Variants in DST observed in about 807,000 individuals in gnomAD.
The protein encoded by DST is dystonin.
In DST, 253 loss-of-function variants were observed where a neutral mutation model predicts 875.2. The observed-to-expected ratio is 0.29, with a 90% CI of 0.26 to 0.32. DST has a LOEUF of 0.32. Among genes scored for constraint, DST ranks in the 10% least tolerant of loss-of-function variants. The pLI is 1.00. For missense variants in DST, 8,287 were observed against 9,111.6 expected (o/e 0.91, Z 3.68); for synonymous variants, 3,124 against 3,197.1 (o/e 0.98, Z 0.77).
intron 38 of DST, 121 bp from the exon 39 acceptor site, chr6:56,610,683 C>G (rs910940938): frequency 1.4e-6 from 1 of 722,530 alleles, no homozygotes; most frequent in Non-Finnish European, 2.2e-6. Context: ...ATACATATTG[C>G]TCAGGTCTCA....
At chr6:56,728,633 G>A (rs777846109) in intron 5 of DST, among the ~76,000 whole-genome samples, 3 of 151,988 alleles carry the variant, frequency 2.0e-5, no homozygotes, top group Non-Finnish European at 2.9e-5. Flanking sequence ...CTGAGATCAC[G>A]CCACTGCACT....
intron 3 of DST, among the ~76,000 whole-genome samples, chr6:56,860,127 C>A (rs1198268937): frequency 6.6e-6 from 1 of 152,162 alleles, no homozygotes; most frequent in Non-Finnish European, 1.5e-5. Context: ...CTAGTGGTTT[C>A]CCCTTTAAAG....
chr6:56,896,103 C>T (rs1424644032), intron 3 of DST, among the ~76,000 whole-genome samples: 2 of 79,858 alleles, frequency 2.5e-5, no homozygotes, highest in African/African-American at 1.5e-4. Context: ...GAGAGGGAGA[C>T]GGGAGAGGGA....
At chr6:56,589,689 C>G (rs1270607036) in intron 49 of DST, among the ~76,000 whole-genome samples, 1 of 152,220 alleles carries the variant, frequency 6.6e-6, no homozygotes, top group Non-Finnish European at 1.5e-5. Context: ...TTTTCTGCAC[C>G]TCTTATGGGG....
In DST at chr6:56,618,448, C is replaced by T. The variant is rs762547836; in HGVS notation, c.4930-3964G>A. 6 of 1,614,026 alleles carry T rather than the reference C, an allele frequency of 3.7e-6. No individual in the cohort carries two copies. The highest frequency in any genetic ancestry group is 5.1e-6 in the Non-Finnish European group (6 of 1,180,030). On this transcript the variant is annotated intron_variant, in intron 36 of 103. Transcript: ENST00000680361. The stretch of plus-strand genomic sequence containing the variant: ...TCTTTTTTTGAATTTCACACTGGAG[C>T]AAAACTAATTGATGTTCATGCTCTT...
intron 5 of DST, among the ~76,000 whole-genome samples, chr6:56,715,457 T>C (rs1183146555): frequency 6.6e-6 from 1 of 152,170 alleles, no homozygotes; most frequent in Admixed American, 6.5e-5. Flanking sequence ...AGAGAAGAAA[T>C]TGGAAGTCTT....
At chr6:56,524,938 A>G (rs1030338313) in intron 69 of DST, among the ~76,000 whole-genome samples, 1 of 151,648 alleles carries the variant, frequency 6.6e-6, no homozygotes, top group Non-Finnish European at 1.5e-5. Context: ...AAAAATCATT[A>G]TTTTCCTAAA....
intron 50 of DST, among the ~76,000 whole-genome samples, chr6:56,577,543 T>C (rs886451117): frequency 2.0e-5 from 3 of 152,098 alleles, no homozygotes; most frequent in African/African-American, 7.2e-5. Flanking sequence ...TTGACAGGGG[T>C]ACATAATAAA....
At chr6:56,888,624 GA>G (rs1389171143) in intron 3 of DST, among the ~76,000 whole-genome samples, 2 of 152,134 alleles carry the variant, frequency 1.3e-5, no homozygotes, top group African/African-American at 2.4e-5. Flanking sequence ...AAGGAACACA[GA>G]AACACCCTGC....
rs182581607 is a variant in DST, at chr6:56,726,085, A to C, written c.687+9143T>G. Among the ~76,000 whole-genome samples, 96 of 152,340 alleles carry C rather than the reference A, an allele frequency of 6.3e-4. 2 individuals carry two copies. The East Asian group carries it at 0.017, about 28-fold the overall frequency. ...TTTGGAAATACGCAATAGCCTTCCC[A>C]GCTTCAACAGCTTCCCTTTGAAGTC... On this transcript the variant is annotated intron_variant, in intron 5 of 103. Coordinates refer to ENST00000680361, the MANE Select transcript of DST (RefSeq NM_001374736.1).
chr6:56,829,675 T>G (rs921535711), intron 4 of DST, among the ~76,000 whole-genome samples: 5 of 152,170 alleles, frequency 3.3e-5, no homozygotes, highest in Non-Finnish European at 7.4e-5. Context: ...AACCAGATCA[T>G]ATCAGTATGA....
chr6:56,619,693 T>C lies in DST; in HGVS notation c.4929+4837A>G, dbSNP rs780419000. 118 of 1,613,932 alleles carry C rather than the reference T, an allele frequency of 7.3e-5. No homozygotes were observed. Among genetic ancestry groups the C allele is most frequent in the Non-Finnish European group, 7.1e-5 (84 of 1,180,050 alleles). The stretch of plus-strand genomic sequence containing the variant: ...TGGCTTCTTCAGCTTTACCTGTGGT[T>C]TGATTCAATTGCCTACCAAGCTCTC... On this transcript the variant is annotated intron_variant, in intron 36 of 103. Transcript: ENST00000680361.
intron 64 of DST, 104 bp downstream of exon 64, chr6:56,532,240 C>T: frequency 1.9e-6 from 2 of 1,053,746 alleles, no homozygotes; most frequent in East Asian, 5.1e-5. Context: ...ACATGATAAA[C>T]ATAGGAAAAT....
At chr6:56,668,200 T>C (rs1008288324) in intron 10 of DST, among the ~76,000 whole-genome samples, 4 of 152,194 alleles carry the variant, frequency 2.6e-5, no homozygotes, top group Admixed American at 1.3e-4. Flanking sequence ...ATTCCAAGTA[T>C]AGAATGTGTC....
At chr6:56,583,358 G>A (rs1292608099) in intron 49 of DST, among the ~76,000 whole-genome samples, 23 of 152,170 alleles carry the variant, frequency 1.5e-4, no homozygotes, top group African/African-American at 3.6e-4. Flanking sequence ...GATGATGAGC[G>A]TTTTTTCATG....
intron 4 of DST, among the ~76,000 whole-genome samples, chr6:56,763,724 CAT>C (rs1554721700): frequency 2.1e-5 from 3 of 143,570 alleles, no homozygotes; most frequent in Admixed American, 1.4e-4. Flanking sequence ...CACACACACA[CAT>C]ATAGGGATGG....
At chr6:56,480,376 A>G (rs183908812) in intron 90 of DST, among the ~76,000 whole-genome samples, 49 of 152,308 alleles carry the variant, frequency 3.2e-4, no homozygotes, top group Admixed American at 3.1e-3. Context: ...AATCACTTCT[A>G]CACCTAGAGG....
intron 5 of DST, among the ~76,000 whole-genome samples, chr6:56,725,373 C>T (rs924522823): frequency 3.3e-5 from 5 of 152,140 alleles, no homozygotes; most frequent in African/African-American, 1.2e-4. Flanking sequence ...GATTTATTTC[C>T]CAGCGGGATG....
At chr6:56,468,961 A>G in intron 98 of DST, 21 bp downstream of exon 98, 2 of 1,567,344 alleles carry the variant, frequency 1.3e-6, no homozygotes, top group Non-Finnish European at 1.7e-6. Context: ...GAACTTGAGA[A>G]TACATTCCAC....
Sources: allele counts gnomAD v4.1 joint callset (sites outside exome capture counted in the v4.1 genomes callset), GRCh38; gene constraint gnomAD v4.1.1; transcripts MANE v1.5; gene names NCBI Gene and HGNC (gene_info 2026-07-23, HGNC 2026-07-21).